The following NELL2 variants were observed in gnomAD, a reference collection of about 807,000 sequenced individuals.
NELL2 encodes the protein neural EGFL like 2.
In NELL2, 41 loss-of-function variants were observed where a neutral mutation model predicts 109.6. The observed-to-expected ratio is 0.37, with a 90% CI of 0.29 to 0.49. The LOEUF (loss-of-function observed/expected upper bound fraction) is 0.49, where lower values mean the gene tolerates loss of function less well. Ranked by LOEUF, NELL2 falls within the 20% of genes least tolerant of loss-of-function variation. The probability of loss-of-function intolerance (pLI) is 0.98; values close to 1 mark genes in which losing one functional copy is unlikely to be tolerated. For synonymous variants in NELL2, 355 were observed against 344.7 expected (o/e 1.03, Z -0.33); for missense variants, 900 against 1,008.3 (o/e 0.89, Z 1.45).
At chr12:44,893,922 A>T (rs1945564326) in intron 1 of NELL2, among the ~76,000 whole-genome samples, 1 of 152,218 alleles carries the variant, frequency 6.6e-6, no homozygotes, top group Non-Finnish European at 1.5e-5. Context: ...AAAGATTTTT[A>T]AATTTATGTT....
At chr12:44,663,203 T>C (rs1947810059) in intron 13 of NELL2, among the ~76,000 whole-genome samples, 1 of 152,096 alleles carries the variant, frequency 6.6e-6, no homozygotes, top group Non-Finnish European at 1.5e-5. Flanking sequence ...AAACATGTAT[T>C]TTCTTTACAG....
intron 15 of NELL2, among the ~76,000 whole-genome samples, chr12:44,581,141 A>G (rs985459287): frequency 6.6e-6 from 1 of 152,162 alleles, no homozygotes; most frequent in African/African-American, 2.4e-5. Context: ...TCAGTGAATA[A>G]ATAAAACTTT....
intron 15 of NELL2, among the ~76,000 whole-genome samples, chr12:44,573,004 C>A (rs761073202): frequency 1.3e-5 from 2 of 152,196 alleles, no homozygotes; most frequent in Non-Finnish European, 2.9e-5. Context: ...AGAGAACGTG[C>A]AGTCAGAGGG....
chr12:44,871,319 C>T (rs75686422), intron 2 of NELL2, among the ~76,000 whole-genome samples: 5,246 of 152,216 alleles, frequency 0.034, 331 homozygotes, highest in African/African-American at 0.12. Context: ...AATTGTTCAA[C>T]GGCTATTTTT....
intron 9 of NELL2, among the ~76,000 whole-genome samples, chr12:44,767,128 T>C (rs1035414540): frequency 2.6e-5 from 4 of 152,166 alleles, no homozygotes; most frequent in African/African-American, 9.7e-5. Flanking sequence ...GGGAGGTCAA[T>C]ACATTCTTAT....
chr12:44,624,994 GTGTATATATATATA>G (rs1233766577), intron 13 of NELL2, among the ~76,000 whole-genome samples: 2,070 of 118,676 alleles, frequency 0.017, 63 homozygotes, highest in African/African-American at 0.056. Context: ...ATATATGTGT[GTGTATATATATATA>G]TATATATATA....
intron 9 of NELL2, among the ~76,000 whole-genome samples, chr12:44,761,091 G>A (rs1941104863): frequency 2.0e-5 from 3 of 152,198 alleles, no homozygotes; most frequent in Admixed American, 1.3e-4. Context: ...GCCTGGTGCG[G>A]TGGCTCATGC....
intron 15 of NELL2, among the ~76,000 whole-genome samples, chr12:44,572,813 T>A (rs1428033560): frequency 6.6e-6 from 1 of 152,224 alleles, no homozygotes; most frequent in Non-Finnish European, 1.5e-5. Flanking sequence ...CTTGCAGATA[T>A]GTGACATGGC....
intron 12 of NELL2, among the ~76,000 whole-genome samples, chr12:44,687,386 G>T (rs2136387775): frequency 6.6e-6 from 1 of 152,322 alleles, no homozygotes. Flanking sequence ...CACGCTGGGA[G>T]CTGTAGACTG....
upstream of NELL2, among the ~76,000 whole-genome samples, chr12:44,915,868 C>T (rs918186863): frequency 5.9e-5 from 9 of 152,132 alleles, no homozygotes; most frequent in Non-Finnish European, 1.3e-4. Context: ...AAGTTGTCGA[C>T]CCACTGTACT....
At chr12:44,892,308 G>A (rs1945543472) in intron 1 of NELL2, among the ~76,000 whole-genome samples, 1 of 152,042 alleles carries the variant, frequency 6.6e-6, no homozygotes, top group African/African-American at 2.4e-5. Flanking sequence ...CTGTCCAACT[G>A]GGCAGGTCAA....
chr12:44,713,026 G>A (rs1938291324), intron 10 of NELL2, among the ~76,000 whole-genome samples: 1 of 151,822 alleles, frequency 6.6e-6, no homozygotes, highest in African/African-American at 2.4e-5. Flanking sequence ...CACCTGCTGT[G>A]TTGCCTCTAT....
At chr12:44,590,560 T>G (rs1316774618) in intron 15 of NELL2, among the ~76,000 whole-genome samples, 1 of 152,184 alleles carries the variant, frequency 6.6e-6, no homozygotes, top group Non-Finnish European at 1.5e-5. Flanking sequence ...ATTGTGTTTT[T>G]GCCACAAAAA....
chr12:44,833,913 T>G (rs1193581185), intron 2 of NELL2, among the ~76,000 whole-genome samples: 1 of 152,096 alleles, frequency 6.6e-6, no homozygotes, highest in Non-Finnish European at 1.5e-5. Context: ...AGTATCGGAG[T>G]GGAGTTTAAA....
At chr12:44,529,009 AGAGAGGTG>A (rs1941928632) in intron 16 of NELL2, among the ~76,000 whole-genome samples, 1 of 152,196 alleles carries the variant, frequency 6.6e-6, no homozygotes, top group South Asian at 2.1e-4. Context: ...TATTGCTTTG[AGAGAGGTG>A]GAGAGGCTCC....
chr12:44,635,687 A>C (rs897048538), intron 13 of NELL2, among the ~76,000 whole-genome samples: 34 of 151,984 alleles, frequency 2.2e-4, no homozygotes, highest in Admixed American at 5.9e-4. Context: ...GTTACAGTAG[A>C]CTTGTAGCAT....
exon 1 of NELL2, chr12:44,913,868 T>C (rs1202895072): frequency 4.3e-6 from 3 of 699,406 alleles, no homozygotes; most frequent in Non-Finnish European, 6.7e-6. Flanking sequence ...AGGTTCTTTT[T>C]TCACTTTTAG....
At chr12:44,665,093 C>T (rs1244381914) in intron 13 of NELL2, among the ~76,000 whole-genome samples, 5 of 146,752 alleles carry the variant, frequency 3.4e-5, no homozygotes, top group Admixed American at 3.4e-4. Flanking sequence ...TGTCCTAGAA[C>T]TCTAAATCTA....
At chr12:44,768,718 C>T (rs938629041) in intron 9 of NELL2, among the ~76,000 whole-genome samples, 4 of 151,326 alleles carry the variant, frequency 2.6e-5, no homozygotes, top group Non-Finnish European at 5.9e-5. Context: ...GCATCTGATA[C>T]GTAAAACAAC....
Sources: gnomAD v4.1 joint callset for allele counts (sites outside exome capture counted in the v4.1 genomes callset) on GRCh38, gnomAD v4.1.1 for gene constraint, MANE v1.5 for transcripts, NCBI Gene and HGNC (gene_info 2026-07-23, HGNC 2026-07-21) for gene names.